Variants in ADAM18 observed in about 807,000 individuals in gnomAD.
ADAM18 encodes ADAM metallopeptidase domain 18, also known as disintegrin and metalloproteinase domain-containing protein 18.
ADAM18 carries 117 observed loss-of-function variants against 94.4 expected under a neutral mutation model. The observed-to-expected ratio is 1.24, with a 90% CI of 1.07 to 1.45. The LOEUF is 1.45. ADAM18 is among the 40% of genes most tolerant of loss of function. The pLI is 0.00. For synonymous variants in ADAM18, 327 were observed against 291.6 expected, an observed-to-expected ratio of 1.12 and a Z score of -1.24; for missense variants, 936 against 880.0, an observed-to-expected ratio of 1.06 and a Z score of -0.81.
chr8:39,680,154 T>G lies in ADAM18; in HGVS notation c.1749T>G (p.Thr583=). Reference sequence around the variant, plus strand: ...ACCATGTATGTGTATCTATAGCCACTGGTTCCTCCATGAGATCAGATGGAA... The same window carrying G: ...ACCATGTATGTGTATCTATAGCCACGGGTTCCTCCATGAGATCAGATGGAA... ...IQDHVCVSIA[T]GSSMRSDGTD... The change falls in exon 16 of 20, where the codon ACT becomes ACG. Residue 583 remains threonine, a synonymous_variant. Transcript: ENST00000265707. 1.2e-6 allele frequency: 2 copies of G among 1,613,880 alleles called. No individual in the cohort carries two copies. Among genetic ancestry groups the G allele is most frequent in the Non-Finnish European group, 1.7e-6 (2 of 1,179,870 alleles).
intron 18 of ADAM18, among the ~76,000 whole-genome samples, chr8:39,717,043 A>G (rs1822597111): frequency 6.6e-6 from 1 of 151,762 alleles, no homozygotes; most frequent in Non-Finnish European, 1.5e-5. Flanking sequence ...TTATTTATGT[A>G]TGTATTTGCA....
At chr8:39,597,595 A>T (rs946513462) in intron 2 of ADAM18, among the ~76,000 whole-genome samples, 5 of 152,270 alleles carry the variant, frequency 3.3e-5, no homozygotes, top group African/African-American at 1.2e-4. Context: ...TTATTTACAT[A>T]GATCAATTTC....
chr8:39,648,783 C>T (rs1563290408), intron 12 of ADAM18, among the ~76,000 whole-genome samples: 1 of 152,084 alleles, frequency 6.6e-6, no homozygotes, highest in Non-Finnish European at 1.5e-5. Context: ...AATATATTGG[C>T]TAAATGAAGT....
intron 18 of ADAM18, among the ~76,000 whole-genome samples, chr8:39,707,712 C>T (rs1166760022): frequency 1.3e-5 from 2 of 151,816 alleles, no homozygotes; most frequent in Non-Finnish European, 2.9e-5. Context: ...TATAAACATA[C>T]AAGTTTATTT....
intron 17 of ADAM18, among the ~76,000 whole-genome samples, chr8:39,695,891 T>G (rs1201873949): frequency 6.6e-6 from 1 of 151,440 alleles, no homozygotes; most frequent in Non-Finnish European, 1.5e-5. Flanking sequence ...CAAGTATCTG[T>G]TCAGGTCTCT....
chr8:39,677,594 A>T, intron 15 of ADAM18, 58 bp downstream of exon 15: 4 of 1,270,242 alleles, frequency 3.1e-6, no homozygotes, highest in Non-Finnish European at 4.4e-6. Flanking sequence ...ATTTTTATCA[A>T]GAGACACTAA....
At chr8:39,690,227 G>T (rs899609862) in intron 16 of ADAM18, among the ~76,000 whole-genome samples, 2 of 152,144 alleles carry the variant, frequency 1.3e-5, no homozygotes, top group African/African-American at 4.8e-5. Context: ...AGGTGTGCTG[G>T]TGGGTGTGGC....
intron 16 of ADAM18, among the ~76,000 whole-genome samples, chr8:39,687,598 C>T (rs1821642482): frequency 6.6e-6 from 1 of 152,102 alleles, no homozygotes; most frequent in Admixed American, 6.6e-5. Context: ...AATAAGTAGC[C>T]TCCCAACCCA....
chr8:39,633,108 G>C (rs552484170), intron 7 of ADAM18, among the ~76,000 whole-genome samples: 11 of 152,296 alleles, frequency 7.2e-5, no homozygotes, highest in African/African-American at 2.6e-4. Context: ...CACCAGACCT[G>C]TTTGTGGAGC....
At chr8:39,664,055 T>A (rs759730150) in intron 13 of ADAM18, among the ~76,000 whole-genome samples, 165 bp downstream of exon 13, 17 of 152,174 alleles carry the variant, frequency 1.1e-4, no homozygotes, top group Non-Finnish European at 7.4e-5. Flanking sequence ...CTATAAAATA[T>A]AAAAGTCATC....
intron 12 of ADAM18, among the ~76,000 whole-genome samples, chr8:39,659,372 A>T (rs550880035): frequency 1.8e-3 from 266 of 149,264 alleles, no homozygotes; most frequent in African/African-American, 6.2e-3. Flanking sequence ...TGAATAATTT[A>T]AAAAAAAAAC....
chr8:39,603,279 C>A (rs1029547660), intron 2 of ADAM18, among the ~76,000 whole-genome samples: 1 of 152,152 alleles, frequency 6.6e-6, no homozygotes, highest in African/African-American at 2.4e-5. Context: ...AGAGGAAAAT[C>A]TTGAAATTAG....
At chr8:39,658,493 T>A (rs968176829) in intron 12 of ADAM18, among the ~76,000 whole-genome samples, 3 of 152,160 alleles carry the variant, frequency 2.0e-5, no homozygotes, top group Admixed American at 6.5e-5. Flanking sequence ...GCCGAGGAAT[T>A]TGAGTGGCCT....
At chr8:39,666,911 G>C (rs1025574856) in intron 13 of ADAM18, among the ~76,000 whole-genome samples, 7 of 152,058 alleles carry the variant, frequency 4.6e-5, no homozygotes, top group Admixed American at 1.3e-4. Context: ...GTGTTTGTGT[G>C]TGTGTTTGTG....
chr8:39,603,052 G>A (rs1266863806), intron 2 of ADAM18, among the ~76,000 whole-genome samples: 1 of 150,676 alleles, frequency 6.6e-6, no homozygotes, highest in African/African-American at 2.4e-5. Context: ...ACTTGTGCAA[G>A]GTGTGATGTC....
At chr8:39,701,955 G>C (rs1020294109) in intron 17 of ADAM18, among the ~76,000 whole-genome samples, 2 of 152,130 alleles carry the variant, frequency 1.3e-5, no homozygotes, top group African/African-American at 4.8e-5. Context: ...ACATATGCCT[G>C]CATGTGTCTT....
intron 3 of ADAM18, among the ~76,000 whole-genome samples, chr8:39,608,124 T>C (rs191951533): frequency 4.4e-4 from 67 of 152,258 alleles, no homozygotes; most frequent in African/African-American, 1.3e-3. Context: ...ATACTTGACA[T>C]CTTTCTGTCG....
At chr8:39,666,671 C>CT (rs1412416082) in intron 13 of ADAM18, among the ~76,000 whole-genome samples, 1 of 152,124 alleles carries the variant, frequency 6.6e-6, no homozygotes, top group Non-Finnish European at 1.5e-5. Context: ...GAGAAGAGAG[C>CT]TTGTGCAGGG....
chr8:39,646,905 G>C (rs1820395612), intron 11 of ADAM18, among the ~76,000 whole-genome samples: 1 of 150,294 alleles, frequency 6.7e-6, no homozygotes, highest in Admixed American at 6.6e-5. Context: ...AGAATGAAGA[G>C]GGGGCACAAT....
Sources: allele counts gnomAD v4.1 joint callset (sites outside exome capture counted in the v4.1 genomes callset), GRCh38; gene constraint gnomAD v4.1.1; transcripts MANE v1.5; gene names NCBI Gene and HGNC (gene_info 2026-07-23, HGNC 2026-07-21).